Variants in ENOX1 observed in about 807,000 individuals in gnomAD.
The protein encoded by ENOX1 is ecto-NOX disulfide-thiol exchanger 1, also known as candidate growth-related and time keeping constitutive hydroquinone (NADH) oxidase.
Under a neutral mutation model 82.5 loss-of-function variants are expected in ENOX1, and 42 were observed. The ratio of observed to expected loss-of-function variants is 0.51; its 90% confidence interval spans 0.40 to 0.66. The LOEUF is 0.66. Among genes scored for constraint, ENOX1 ranks in the 30% least tolerant of loss-of-function variants. The pLI is 0.00. For synonymous variants in ENOX1, 271 were observed against 282.2 expected (o/e 0.96, Z 0.40); for missense variants, 608 against 811.6 (o/e 0.75, Z 3.05).
At chr13:43,552,441 C>T (rs1200840123) in intron 2 of ENOX1, among the ~76,000 whole-genome samples, 2 of 151,736 alleles carry the variant, frequency 1.3e-5, no homozygotes, top group Non-Finnish European at 2.9e-5. Context: ...TCCCTCCCTT[C>T]TTCTTTCTCA....
At chr13:43,770,436 A>G (rs529937328) in intron 1 of ENOX1, among the ~76,000 whole-genome samples, 1 of 152,344 alleles carries the variant, frequency 6.6e-6, no homozygotes, top group East Asian at 1.9e-4. Flanking sequence ...TATCCTGATT[A>G]AATCATGCCT....
chr13:43,707,657 C>T (rs1225505801), intron 1 of ENOX1, among the ~76,000 whole-genome samples: 4 of 141,558 alleles, frequency 2.8e-5, no homozygotes, highest in South Asian at 2.2e-4. Flanking sequence ...GGCGTGAACC[C>T]GGGAGGTGGA....
intron 2 of ENOX1, among the ~76,000 whole-genome samples, chr13:43,573,173 C>G (rs1018179232): frequency 6.6e-6 from 1 of 152,180 alleles, no homozygotes; most frequent in Non-Finnish European, 1.5e-5. Context: ...GGCTTGCATG[C>G]TAATGACTGC....
chr13:43,302,180 T>C (rs1264500818), intron 11 of ENOX1, among the ~76,000 whole-genome samples: 2 of 151,080 alleles, frequency 1.3e-5, no homozygotes, highest in African/African-American at 4.9e-5. Flanking sequence ...TGCCAATAAA[T>C]GGAATATGTA....
chr13:43,769,596 A>G (rs1386300793), intron 1 of ENOX1, among the ~76,000 whole-genome samples: 1 of 152,238 alleles, frequency 6.6e-6, no homozygotes, highest in Non-Finnish European at 1.5e-5. Flanking sequence ...CAGAGCAAGC[A>G]TGTATTGACA....
chr13:43,420,061 T>C (rs1320503031), intron 3 of ENOX1, among the ~76,000 whole-genome samples: 2 of 152,186 alleles, frequency 1.3e-5, no homozygotes, highest in Admixed American at 6.5e-5. Context: ...AGCATTATCA[T>C]GGTATATATT....
intron 2 of ENOX1, among the ~76,000 whole-genome samples, chr13:43,531,789 C>G (rs1028398858): frequency 6.6e-6 from 1 of 150,390 alleles, no homozygotes; most frequent in African/African-American, 2.4e-5. Flanking sequence ...ATGGATGAAG[C>G]TGGAAACCAT....
chr13:43,330,918 CT>C (rs1355154074), intron 9 of ENOX1, among the ~76,000 whole-genome samples: 2 of 152,130 alleles, frequency 1.3e-5, no homozygotes, highest in South Asian at 2.1e-4. Flanking sequence ...AATTTAACAA[CT>C]TTTTTTGCAC....
intron 2 of ENOX1, among the ~76,000 whole-genome samples, chr13:43,556,043 T>C (rs903809011): frequency 7.2e-5 from 11 of 152,310 alleles, no homozygotes; most frequent in Admixed American, 6.5e-4. Flanking sequence ...GATGGCTTCC[T>C]AAAATGAAAA....
At chr13:43,236,474 T>A (rs575166601) in intron 15 of ENOX1, among the ~76,000 whole-genome samples, 162 bp downstream of exon 15, 2 of 152,362 alleles carry the variant, frequency 1.3e-5, no homozygotes, top group South Asian at 4.1e-4. Context: ...TTAGTTTGTA[T>A]GCCACTAATT....
chr13:43,323,076 T>C (rs1349720056), intron 10 of ENOX1, among the ~76,000 whole-genome samples: 1 of 152,254 alleles, frequency 6.6e-6, no homozygotes, highest in Non-Finnish European at 1.5e-5. Flanking sequence ...TTGATAATGC[T>C]GGACATTATT....
chr13:43,269,413 G>T, intron 13 of ENOX1, 57 bp downstream of exon 13: 2 of 1,277,646 alleles, frequency 1.6e-6, no homozygotes, highest in Non-Finnish European at 2.3e-6. Context: ...GCACAAGGGA[G>T]GTATGCAATG....
chr13:43,505,985 C>T (rs2077145125), intron 2 of ENOX1, among the ~76,000 whole-genome samples: 1 of 151,976 alleles, frequency 6.6e-6, no homozygotes, highest in African/African-American at 2.4e-5. Flanking sequence ...GCCAGTTTTC[C>T]CAGCACCATT....
intron 8 of ENOX1, among the ~76,000 whole-genome samples, chr13:43,345,551 A>G (rs1231798912): frequency 2.6e-5 from 4 of 152,166 alleles, no homozygotes; most frequent in Admixed American, 2.0e-4. Context: ...AGACTTGCCT[A>G]TTTGGGGATG....
At chr13:43,264,317 T>C (rs2044247737) in intron 14 of ENOX1, among the ~76,000 whole-genome samples, 1 of 152,244 alleles carries the variant, frequency 6.6e-6, no homozygotes, top group Non-Finnish European at 1.5e-5. Context: ...TATCATGTCC[T>C]GTATCTTGTC....
chr13:43,389,188 C>T (rs559683683), intron 5 of ENOX1, among the ~76,000 whole-genome samples: 14 of 152,270 alleles, frequency 9.2e-5, no homozygotes, highest in African/African-American at 3.1e-4. Context: ...AGTAACTAAA[C>T]GACCATGTCA....
chr13:43,274,888 T>C (rs902304242), intron 12 of ENOX1, among the ~76,000 whole-genome samples: 2 of 152,220 alleles, frequency 1.3e-5, no homozygotes, highest in African/African-American at 4.8e-5. Context: ...GGTCTTTCTT[T>C]CTGACAAATT....
At chr13:43,500,703 T>C (rs2076950653) in intron 2 of ENOX1, among the ~76,000 whole-genome samples, 2 of 151,908 alleles carry the variant, frequency 1.3e-5, no homozygotes, top group African/African-American at 2.4e-5. Context: ...TATATTGTAA[T>C]GAAGATGTAT....
chr13:43,534,586 T>C (rs989338552), intron 2 of ENOX1, among the ~76,000 whole-genome samples: 1 of 152,064 alleles, frequency 6.6e-6, no homozygotes, highest in Non-Finnish European at 1.5e-5. Flanking sequence ...TTGTGGAAAA[T>C]GATGCTTTTA....
Sources: gnomAD v4.1 joint callset for allele counts (sites outside exome capture counted in the v4.1 genomes callset) on GRCh38, gnomAD v4.1.1 for gene constraint, MANE v1.5 for transcripts, NCBI Gene and HGNC (gene_info 2026-07-23, HGNC 2026-07-21) for gene names.